CADM2: variants seen among roughly 807,000 people sequenced by gnomAD.
The protein encoded by CADM2 is immunoglobulin superfamily member 4D.
In CADM2, 12 loss-of-function variants were observed where a neutral mutation model predicts 49.8. The observed-to-expected ratio is 0.24, with a 90% CI of 0.15 to 0.39. CADM2 has a LOEUF of 0.39. Ranked by LOEUF, CADM2 falls within the 10% of genes least tolerant of loss-of-function variation. The probability of loss-of-function intolerance (pLI) is 1.00; values close to 1 mark genes in which losing one functional copy is unlikely to be tolerated. For missense variants in CADM2, 378 were observed against 492.3 expected (o/e 0.77, Z 2.20); for synonymous variants, 214 against 175.4 (o/e 1.22, Z -1.74).
At chr3:85,229,992 C>G (rs72915067) in intron 1 of CADM2, among the ~76,000 whole-genome samples, 20 of 152,194 alleles carry the variant, frequency 1.3e-4, no homozygotes, top group African/African-American at 4.1e-4. Flanking sequence ...GAGAAAGACA[C>G]GTGGGTCTCA....
intron 3 of CADM2, among the ~76,000 whole-genome samples, chr3:85,819,239 A>G (rs1394786097): frequency 5.9e-5 from 9 of 152,116 alleles, no homozygotes; most frequent in Admixed American, 5.9e-4. Flanking sequence ...GCTTTGTTCT[A>G]TTGGTGCTGG....
At chr3:85,125,370 T>G (rs1000035487) in intron 1 of CADM2, among the ~76,000 whole-genome samples, 2 of 150,648 alleles carry the variant, frequency 1.3e-5, no homozygotes, top group Non-Finnish European at 2.9e-5. Context: ...TGAACTTAGA[T>G]TTTTGTTTTT....
intron 1 of CADM2, among the ~76,000 whole-genome samples, chr3:85,196,693 A>G (rs994096811): frequency 6.6e-6 from 1 of 152,008 alleles, no homozygotes; most frequent in Non-Finnish European, 1.5e-5. Context: ...TGTGAAAACA[A>G]CACTATTCTT....
intron 1 of CADM2, among the ~76,000 whole-genome samples, chr3:85,375,602 C>G (rs2033548541): frequency 1.3e-5 from 2 of 152,162 alleles, no homozygotes; most frequent in Non-Finnish European, 2.9e-5. Flanking sequence ...TTCCCAGCTT[C>G]CAAGAAGGAA....
intron 1 of CADM2, among the ~76,000 whole-genome samples, chr3:85,508,707 A>G (rs2040470891): frequency 6.6e-6 from 1 of 152,178 alleles, no homozygotes; most frequent in Admixed American, 6.5e-5. Context: ...TTTAAGTTTA[A>G]TAATGAATAA....
At chr3:85,923,704 T>C (rs560480963) in intron 6 of CADM2, among the ~76,000 whole-genome samples, 2 of 152,182 alleles carry the variant, frequency 1.3e-5, no homozygotes, top group Non-Finnish European at 2.9e-5. Context: ...ATCACTTGCA[T>C]AAACCTTCTA....
At chr3:85,477,329 A>G (rs1043915519) in intron 1 of CADM2, among the ~76,000 whole-genome samples, 1 of 151,676 alleles carries the variant, frequency 6.6e-6, no homozygotes, top group Admixed American at 6.6e-5. Context: ...CTTTACTTCA[A>G]CACTTGGCTT....
At chr3:85,022,109 A>T (rs931161480) in intron 1 of CADM2, among the ~76,000 whole-genome samples, 1 of 152,224 alleles carries the variant, frequency 6.6e-6, no homozygotes. Flanking sequence ...GCTCATAGAT[A>T]TTAGACAAAA....
At chr3:85,874,960 T>C (rs1711604389) in intron 3 of CADM2, among the ~76,000 whole-genome samples, 1 of 152,124 alleles carries the variant, frequency 6.6e-6, no homozygotes, top group African/African-American at 2.4e-5. Context: ...AAACTGAAAT[T>C]CTATTACTGA....
intron 1 of CADM2, among the ~76,000 whole-genome samples, chr3:85,347,118 G>C (rs1254820289): frequency 6.7e-6 from 1 of 149,378 alleles, no homozygotes. Context: ...AGCTACTCTG[G>C]AGGCTGATGC....
chr3:85,793,566 C>T (rs889583778), intron 2 of CADM2, among the ~76,000 whole-genome samples: 2 of 152,166 alleles, frequency 1.3e-5, no homozygotes, highest in Non-Finnish European at 2.9e-5. Context: ...GCCAACTTCC[C>T]TAGTTAAAAT....
chr3:85,558,447 C>G (rs1445397047), intron 1 of CADM2, among the ~76,000 whole-genome samples: 1 of 151,266 alleles, frequency 6.6e-6, no homozygotes, highest in African/African-American at 2.4e-5. Context: ...TTCAAAATAT[C>G]AAATCAAGAC....
chr3:85,715,937 G>T (rs2067276082), intron 1 of CADM2, among the ~76,000 whole-genome samples: 1 of 152,140 alleles, frequency 6.6e-6, no homozygotes, highest in South Asian at 2.1e-4. Context: ...CCAAGTCTTT[G>T]CTATTGTGAA....
chr3:85,351,179 T>G (rs2031305527), intron 1 of CADM2, among the ~76,000 whole-genome samples: 1 of 152,094 alleles, frequency 6.6e-6, no homozygotes, highest in African/African-American at 2.4e-5. Context: ...AATAAAATAT[T>G]TCTAAATTTG....
chr3:85,079,602 G>GTAT (rs1370208092), intron 1 of CADM2, among the ~76,000 whole-genome samples: 2 of 151,598 alleles, frequency 1.3e-5, no homozygotes, highest in Non-Finnish European at 3.0e-5. Context: ...TAAGAAAATC[G>GTAT]TATAATAATA....
chr3:85,284,717 G>A (rs2106904908), intron 1 of CADM2, among the ~76,000 whole-genome samples: 1 of 152,152 alleles, frequency 6.6e-6, no homozygotes, highest in African/African-American at 2.4e-5. Context: ...AAAAAAGGTA[G>A]GAATCAGGGA....
At chr3:86,052,817 G>A (rs1472296382) in intron 8 of CADM2, among the ~76,000 whole-genome samples, 1 of 151,960 alleles carries the variant, frequency 6.6e-6, no homozygotes, top group African/African-American at 2.4e-5. Flanking sequence ...ATTAATTACT[G>A]TTGTAATTTA....
chr3:85,979,284 G>A, intron 8 of CADM2: 3 of 1,609,454 alleles, frequency 1.9e-6, no homozygotes, highest in South Asian at 1.1e-5. Flanking sequence ...AGCATCAGAG[G>A]TACAGTATGT....
intron 1 of CADM2, among the ~76,000 whole-genome samples, chr3:85,665,690 A>G (rs1357946079): frequency 4.0e-5 from 6 of 151,876 alleles, no homozygotes; most frequent in Middle Eastern, 6.8e-3. Context: ...ACCATTTCCC[A>G]TTGTTTCAAT....
Sources: gnomAD v4.1 joint callset for allele counts (sites outside exome capture counted in the v4.1 genomes callset) on GRCh38, gnomAD v4.1.1 for gene constraint, MANE v1.5 for transcripts, NCBI Gene and HGNC (gene_info 2026-07-23, HGNC 2026-07-21) for gene names.